POLN: variants seen among roughly 807,000 people sequenced by gnomAD.
The protein encoded by POLN is DNA polymerase nu.
POLN carries 108 observed loss-of-function variants against 113.5 expected under a neutral mutation model. The ratio of observed to expected loss-of-function variants is 0.95; its 90% confidence interval spans 0.81 to 1.12. The LOEUF (loss-of-function observed/expected upper bound fraction) is 1.12, where lower values mean the gene tolerates loss of function less well. POLN is among the 50% of genes most tolerant of loss of function. The pLI is 0.00. For missense variants in POLN, 1,097 were observed against 1,077.1 expected (o/e 1.02, Z -0.26); for synonymous variants, 386 against 391.5 (o/e 0.99, Z 0.17).
intron 16 of POLN, among the ~76,000 whole-genome samples, chr4:2,137,586 G>A (rs777668496): frequency 4.6e-5 from 7 of 152,136 alleles, no homozygotes; most frequent in Admixed American, 6.5e-5. Flanking sequence ...TGGCTTGGAT[G>A]GGCAGCCCCC....
intron 1 of POLN, 61 bp downstream of exon 1, chr4:2,241,990 A>T: frequency 2.0e-6 from 2 of 985,466 alleles, no homozygotes; most frequent in Non-Finnish European, 2.4e-6. Context: ...GCAGACGGGG[A>T]TCGCGGCCAC....
chr4:2,203,245 T>G (rs139488347), intron 5 of POLN, among the ~76,000 whole-genome samples: 2,758 of 152,246 alleles, frequency 0.018, 90 homozygotes, highest in African/African-American at 0.063. Context: ...TGCTCCTGAA[T>G]GATCACTGGC....
At chr4:2,123,556 C>T (rs748632973) in intron 19 of POLN, among the ~76,000 whole-genome samples, 20 of 141,540 alleles carry the variant, frequency 1.4e-4, no homozygotes, top group African/African-American at 2.7e-4. Context: ...TCCTGGGAGA[C>T]GGAGGTTGAA....
chr4:2,188,619 A>AAAAAC (rs1459382661), intron 7 of POLN, among the ~76,000 whole-genome samples: 1 of 137,578 alleles, frequency 7.3e-6, no homozygotes, highest in Non-Finnish European at 1.5e-5. Context: ...CAAAAAACAA[A>AAAAAC]AAAACAAAAC....
chr4:2,149,976 G>A (rs1478248274), intron 16 of POLN, among the ~76,000 whole-genome samples: 2 of 151,588 alleles, frequency 1.3e-5, no homozygotes, highest in Non-Finnish European at 2.9e-5. Flanking sequence ...CCAGCTACTC[G>A]GGAAGCTGAG....
At chr4:2,091,706 C>T (rs375935111) in intron 20 of POLN, among the ~76,000 whole-genome samples, 19 of 152,124 alleles carry the variant, frequency 1.2e-4, no homozygotes, top group East Asian at 1.2e-3. Context: ...TACACGAACA[C>T]ACAATTTGAC....
At chr4:2,081,997 C>T (rs978132647) in intron 21 of POLN, among the ~76,000 whole-genome samples, 16 of 148,122 alleles carry the variant, frequency 1.1e-4, no homozygotes, top group Non-Finnish European at 1.6e-4. Flanking sequence ...CTCTGTCACC[C>T]AGGCTGGAGT....
intron 20 of POLN, among the ~76,000 whole-genome samples, chr4:2,094,901 T>C (rs1730748556): frequency 6.6e-6 from 1 of 152,126 alleles, no homozygotes; most frequent in Non-Finnish European, 1.5e-5. Context: ...TGCCTTTCTG[T>C]GAATAAACAA....
intron 7 of POLN, among the ~76,000 whole-genome samples, chr4:2,181,286 A>G (rs1011534081): frequency 2.0e-5 from 3 of 152,080 alleles, no homozygotes; most frequent in Admixed American, 1.3e-4. Context: ...CTGGGATTAT[A>G]GGCACCCACC....
intron 5 of POLN, among the ~76,000 whole-genome samples, 196 bp downstream of exon 5, chr4:2,207,791 G>T (rs916087985): frequency 6.6e-6 from 1 of 152,188 alleles, no homozygotes; most frequent in African/African-American, 2.4e-5. Context: ...AGGTAAAATG[G>T]TACACCCACT....
chr4:2,136,022 T>C (rs1731848889), intron 16 of POLN, among the ~76,000 whole-genome samples: 1 of 152,228 alleles, frequency 6.6e-6, no homozygotes, highest in Non-Finnish European at 1.5e-5. Flanking sequence ...AGAACCAGCA[T>C]ACTCCTAATT....
At chr4:2,148,127 G>C (rs541055531) in intron 16 of POLN, among the ~76,000 whole-genome samples, 1 of 152,274 alleles carries the variant, frequency 6.6e-6, no homozygotes, top group African/African-American at 2.4e-5. Context: ...AGGAAGTATA[G>C]GGAATATCTA....
intron 2 of POLN, among the ~76,000 whole-genome samples, chr4:2,236,671 C>T (rs1460842989): frequency 6.6e-6 from 1 of 151,580 alleles, no homozygotes; most frequent in Non-Finnish European, 1.5e-5. Context: ...CCAGCCTGGG[C>T]AACATGGTGA....
chr4:2,139,405 C>T (rs144454748), intron 16 of POLN, among the ~76,000 whole-genome samples: 1 of 152,350 alleles, frequency 6.6e-6, no homozygotes, highest in East Asian at 1.9e-4. Flanking sequence ...GTCCCAGTTC[C>T]TTAGTGGGTC....
At chr4:2,230,425 T>G (rs1159710607) in intron 2 of POLN, 1 of 152,060 alleles carries the variant, frequency 6.6e-6, no homozygotes, top group African/African-American at 2.4e-5. Context: ...AATAAAAATT[T>G]TAAGTAAATT....
Position 2,072,270 on chromosome 4 carries a change from G to A in POLN, c.2547C>T (p.Gly849=). 1 of 1,591,304 alleles carries A rather than the reference G, an allele frequency of 6.3e-7. No individual in the cohort carries two copies. Among genetic ancestry groups the A allele is most frequent in the Non-Finnish European group, 8.6e-7 (1 of 1,168,804 alleles). The change falls in exon 26 of 26, where the codon GGC becomes GGT. Residue 849 remains glycine (G), a synonymous_variant. Coordinates refer to ENST00000511885, the MANE Select transcript of POLN (RefSeq NM_181808.4). ...QVPLKVSLSA[G]RSWGHLVPLQ... ...GTGGCACCAGGTGTCCCCATGAGCG[G>A]CCGGCACTCAGGCTCACCTTGAGGG...
At chr4:2,218,981 C>T (rs1283060384) in intron 3 of POLN, among the ~76,000 whole-genome samples, 1 of 152,184 alleles carries the variant, frequency 6.6e-6, no homozygotes, top group African/African-American at 2.4e-5. Flanking sequence ...TGCCATTTCT[C>T]CTAGGTTGCC....
chr4:2,097,407 G>A (rs943132678), intron 19 of POLN, among the ~76,000 whole-genome samples: 14 of 149,444 alleles, frequency 9.4e-5, no homozygotes, highest in Admixed American at 3.3e-4. Context: ...CTGGAGGGCA[G>A]TGGTGCGATC....
chr4:2,157,412 T>C (rs1425269617), intron 15 of POLN, among the ~76,000 whole-genome samples: 1 of 152,144 alleles, frequency 6.6e-6, no homozygotes, highest in Non-Finnish European at 1.5e-5. Flanking sequence ...GCCAATATCA[T>C]GGCTCATAGT....
Sources: allele counts gnomAD v4.1 joint callset (sites outside exome capture counted in the v4.1 genomes callset), GRCh38; gene constraint gnomAD v4.1.1; transcripts MANE v1.5; gene names NCBI Gene and HGNC (gene_info 2026-07-23, HGNC 2026-07-21).